Variants in GUCY2D observed in about 807,000 individuals in gnomAD.
The protein encoded by GUCY2D is guanylate cyclase 2D, retinal, also known as retinal guanylyl cyclase 1.
Under a neutral mutation model 101.3 loss-of-function variants are expected in GUCY2D, and 70 were observed. The observed-to-expected ratio is 0.69, with a 90% CI of 0.57 to 0.84. GUCY2D has a LOEUF of 0.84. Among genes scored for constraint, GUCY2D ranks in the 40% least tolerant of loss-of-function variants. The pLI is 0.00. For missense variants in GUCY2D, 1,460 were observed against 1,542.5 expected, an observed-to-expected ratio of 0.95 and a Z score of 0.90; for synonymous variants, 688 against 670.7, an observed-to-expected ratio of 1.03 and a Z score of -0.40.
At position 8,013,078 on chromosome 17, in the gene GUCY2D, G is replaced by A. The variant is rs748789502; in HGVS notation, c.2114-25G>A. ...AGGGTGGGAGTCTTTCCCCAGCGGC[G>A]CCTCAGCCCCTTCCCCATCCCCAGA... On this transcript the variant is annotated intron_variant, in intron 10 of 19. Transcript: ENST00000254854. This position sits in a 1 kb window ranked among gnomAD's most constrained non-coding sequence, Gnocchi z 5.0. 1.9e-5 allele frequency: 30 copies of A among 1,604,680 alleles called. No individual in the cohort carries two copies. The highest frequency in any genetic ancestry group is 2.7e-5 in the African/African-American group (2 of 74,724).
chr17:8,015,132 CT>C, intron 14 of GUCY2D, 81 bp downstream of exon 14: 2 of 1,246,346 alleles, frequency 1.6e-6, no homozygotes, highest in Admixed American at 1.9e-5. Context: ...TGCGCAGCCC[CT>C]AGCCTACCTG....
intron 19 of GUCY2D, chr17:8,016,965 C>T (rs1429166989): frequency 1.7e-5 from 3 of 174,720 alleles, no homozygotes; most frequent in African/African-American, 4.8e-5. Flanking sequence ...CCCGCTCCTT[C>T]CTAGGTGAAC....
In GUCY2D at chr17:8,003,979, C is replaced by G. The variant is rs143745703; in HGVS notation, c.849C>G (p.Tyr283Ter). Reference sequence around the variant, plus strand: ...TCCTGCCCTTCGACACGATCCACTACGCCTTGTCCCCAGGCCCGGAGGCCT... The same window carrying G: ...TCCTGCCCTTCGACACGATCCACTAGGCCTTGTCCCCAGGCCCGGAGGCCT... ...LVFLPFDTIHYALSPGPEALA... is the reference protein window; with the variant it reads ...LVFLPFDTIH The change falls in exon 3 of 20, where the codon TAC becomes TAG. Residue 283 changes from tyrosine (Y) to a stop codon, truncating the protein, a stop_gained. Transcript: ENST00000254854. LOFTEE classifies it high-confidence loss of function. 9 of 1,613,616 alleles carry G rather than the reference C, an allele frequency of 5.6e-6. No homozygotes were observed. Among genetic ancestry groups the G allele is most frequent in the South Asian group, 1.1e-5 (1 of 91,092 alleles).
Position 8,003,563 on chromosome 17 carries a change from C to T in GUCY2D, c.516C>T (p.Leu172=), listed in dbSNP as rs1175698198. The T allele has an allele frequency of 6.3e-7, 1 of 1,577,404 alleles. No homozygotes were observed. The highest frequency in any genetic ancestry group is 1.7e-5 in the Admixed American group (1 of 58,062). Residue 172 remains leucine (L), a synonymous_variant, in exon 2 of 20, where the codon CTC becomes CTT. Transcript: ENST00000254854. ...APAVTPAADA[L]YALLRAFGWA... Reference sequence around the variant, plus strand: ...CCGTGACCCCCGCCGCGGATGCCCTCTACGCCCTGCTTCGCGCATTCGGCT... The same window carrying T: ...CCGTGACCCCCGCCGCGGATGCCCTTTACGCCCTGCTTCGCGCATTCGGCT...
intron 17 of GUCY2D, 42 bp from the exon 18 acceptor site, chr17:8,016,162 AC>A: frequency 7.2e-7 from 1 of 1,398,410 alleles, no homozygotes. Flanking sequence ...CCCACCCCTC[AC>A]CCCAGTCCGC....
Position 8,006,723 on chromosome 17 carries a change from G to T in GUCY2D, c.1378+9G>T, listed in dbSNP as rs1333086687. On this transcript the variant is annotated intron_variant, in intron 4 of 19. Coordinates refer to ENST00000254854, the MANE Select transcript of GUCY2D (RefSeq NM_000180.4). ...CAACATCTGCGGTGGAGGTGAGGGC[G>T]AGCACCCCAGTCCCCACTGAGACAA... 1.9e-6 allele frequency: 3 copies of T among 1,584,880 alleles called. No individual in the cohort carries two copies. The highest frequency in any genetic ancestry group is 1.7e-5 in the Admixed American group (1 of 57,714).
intron 18 of GUCY2D, 28 bp from the exon 19 acceptor site, chr17:8,016,415 C>A: frequency 6.6e-7 from 1 of 1,517,058 alleles, no homozygotes; most frequent in Non-Finnish European, 8.9e-7. Context: ...CATTCCCCTT[C>A]CCTGAGGCCA....
chr17:8,019,754 C>G (rs971221461), intron 19 of GUCY2D, among the ~76,000 whole-genome samples: 5 of 152,244 alleles, frequency 3.3e-5, no homozygotes, highest in Non-Finnish European at 7.3e-5. Context: ...TCCACCATTT[C>G]TCTGGAAATC....
intron 4 of GUCY2D, 57 bp downstream of exon 4, chr17:8,006,771 T>G (rs1443320474): frequency 7.1e-7 from 1 of 1,413,520 alleles, no homozygotes; most frequent in Non-Finnish European, 9.8e-7. Context: ...ATCCACAAAG[T>G]GATGAAAGAG....
chr17:8,007,375 C>A, intron 5 of GUCY2D, 51 bp from the exon 6 acceptor site: 1 of 1,273,382 alleles, frequency 7.9e-7, no homozygotes, highest in Non-Finnish European at 1.1e-6. Context: ...CTGCTGGTCT[C>A]TTCTGACGGA....
At chr17:8,019,728 G>A (rs192765108) in intron 19 of GUCY2D, among the ~76,000 whole-genome samples, 17 of 152,296 alleles carry the variant, frequency 1.1e-4, no homozygotes, top group Non-Finnish European at 2.2e-4. Context: ...GTCTCTGTCT[G>A]CCTTTCTCTG....
intron 19 of GUCY2D, among the ~76,000 whole-genome samples, chr17:8,018,285 G>T (rs1245898360): frequency 6.6e-6 from 1 of 152,172 alleles, no homozygotes; most frequent in East Asian, 1.9e-4. Flanking sequence ...ACCAAGTGTG[G>T]TTGGTGGGCC....
chr17:8,014,553 T>C lies in GUCY2D; in HGVS notation c.2413-48T>C. ...CCATGAGGGGGGCATAAAGAGGGCATGGCAACCCAGGTCTTCAGCAGCTTT... is the reference window on the plus strand; with the variant it reads ...CCATGAGGGGGGCATAAAGAGGGCACGGCAACCCAGGTCTTCAGCAGCTTT... On this transcript the variant is annotated intron_variant, in intron 12 of 19. Transcript: ENST00000254854. The surrounding 1 kb of genome is among the most constrained non-coding windows in gnomAD (Gnocchi z 4.0). The C allele has an allele frequency of 1.9e-6, 3 of 1,599,492 alleles. No homozygotes were observed. Among genetic ancestry groups the C allele is most frequent in the Admixed American group, 1.7e-5 (1 of 60,006 alleles).
Position 8,003,887 on chromosome 17 carries a change from G to A in GUCY2D, c.757G>A (p.Gly253Ser), listed in dbSNP as rs1170008986. 1 of 1,613,200 alleles carries A rather than the reference G, an allele frequency of 6.2e-7. No individual in the cohort carries two copies. Among genetic ancestry groups the A allele is most frequent in the South Asian group, 1.1e-5 (1 of 91,056 alleles). ...GGTGATGCACTCGGTGCTGCTGGGT[G>A]GCGAGGAGCAGCGCTACCTCCTGGA... ...IMVMHSVLLG[G>S]EEQRYLLEAA... The change falls in exon 3 of 20, where the codon GGC (glycine) becomes AGC (serine). Residue 253 changes from glycine to serine, a missense_variant. Transcript: ENST00000254854.
At position 8,007,107 on chromosome 17, in the gene GUCY2D, A is replaced by C. The variant is rs960653636; in HGVS notation, c.1426A>C (p.Met476Leu). The stretch of plus-strand genomic sequence containing the variant: ...TCTTGGCTTCCTCCTGGTGGTTGGG[A>C]TGGGGCTGGCTGGGGCCTTCCTGGC... ...VFLGFLLVVG[M>L]GLAGAFLAHY... The change falls in exon 5 of 20, where the codon ATG becomes CTG. Residue 476 changes from methionine (M) to leucine (L), a missense_variant. Around this residue, in one of 3 missense-constraint regions of GUCY2D, gnomAD observed 1,196 missense variants for 1,229.6 expected, o/e 0.97. Transcript: ENST00000254854. 1 of 1,613,866 alleles carries C rather than the reference A, an allele frequency of 6.2e-7. No homozygotes were observed. Among genetic ancestry groups the C allele is most frequent in the African/African-American group, 1.3e-5 (1 of 74,894 alleles).
chr17:8,012,724 C>CAATTCCTGCTACAGAAA (rs1187151232), intron 10 of GUCY2D, 118 bp downstream of exon 10: 2 of 839,058 alleles, frequency 2.4e-6, no homozygotes, highest in Non-Finnish European at 3.9e-6. Context: ...CCACCAGACA[C>CAATTCCTGCTACAGAAA]AATTCCTGCT....
chr17:8,004,097 G>T lies in GUCY2D; in HGVS notation c.967G>T (p.Asp323Tyr). The T allele has an allele frequency of 6.2e-7, 1 of 1,602,732 alleles. No homozygotes were observed. ...RHCPSEGSVL[D>Y]SLRRAQERRE... Reference sequence around the variant, plus strand: ...CTGTCCCTCTGAAGGCAGCGTGCTGGACAGCCTGCGCAGGGCTCAAGAGCG... The same window carrying T: ...CTGTCCCTCTGAAGGCAGCGTGCTGTACAGCCTGCGCAGGGCTCAAGAGCG... The change falls in exon 3 of 20, where the codon GAC (aspartate) becomes TAC (tyrosine). Residue 323 changes from aspartate to tyrosine, a missense_variant. Physicochemically the swap from Asp to Tyr is radical, Grantham distance 160. Around this residue, in one of 3 missense-constraint regions of GUCY2D, gnomAD observed 1,196 missense variants for 1,229.6 expected, o/e 0.97. Transcript: ENST00000254854.
chr17:8,002,939 C>CT lies in GUCY2D; in HGVS notation c.-9-100_-9-99insT. On this transcript the variant is annotated intron_variant, in intron 1 of 19. Coordinates refer to ENST00000254854, the MANE Select transcript of GUCY2D (RefSeq NM_000180.4). This position sits in a 1 kb window ranked among gnomAD's most constrained non-coding sequence, Gnocchi z 4.9. Reference sequence around the variant, plus strand: ...GAGGGGGCGGTAGCAGCAGAATCATCCCATGGGTTACTCGGGCTTGGAGAA... The same window carrying CT: ...GAGGGGGCGGTAGCAGCAGAATCATCTCCATGGGTTACTCGGGCTTGGAGAA... 1 of 907,936 alleles carries CT rather than the reference C, an allele frequency of 1.1e-6. No individual in the cohort carries two copies. The allele number at this position is 907,936 out of a possible 1,614,324, so 56.2% of individuals were successfully genotyped here.
chr17:8,009,065 C>T (rs1196049553), intron 7 of GUCY2D, among the ~76,000 whole-genome samples: 1 of 152,200 alleles, frequency 6.6e-6, no homozygotes, highest in African/African-American at 2.4e-5. Context: ...TGAACCGGCC[C>T]TGCCAACAGT....
Sources: allele counts gnomAD v4.1 joint callset (sites outside exome capture counted in the v4.1 genomes callset), GRCh38; gene constraint gnomAD v4.1.1; regional missense constraint gnomAD v4.1.1; non-coding constraint Gnocchi (gnomAD v3.1); transcripts MANE v1.5; gene names NCBI Gene and HGNC (gene_info 2026-07-23, HGNC 2026-07-21).